Variants in LOC128462377 observed in about 807,000 individuals in gnomAD.
the LOC128462377 span, among the ~76,000 whole-genome samples, chr16:89,377,202 G>C: frequency 6.6e-6 from 1 of 152,260 alleles, no homozygotes; most frequent in South Asian, 2.1e-4. Context: ...TCAGCCTCTA[G>C]ATCGGGGTCA....
the LOC128462377 span, among the ~76,000 whole-genome samples, chr16:89,376,705 C>T: frequency 1.3e-5 from 2 of 152,348 alleles, no homozygotes; most frequent in East Asian, 3.9e-4. Context: ...TCCCTAAGTG[C>T]TGGGATTACA....
At chr16:89,324,155 C>G in the LOC128462377 span, 1 of 1,054,074 alleles carries the variant, frequency 9.5e-7, no homozygotes, top group Non-Finnish European at 1.2e-6. Context: ...CCTGTTTCCA[C>G]TCACATTTTC....
the LOC128462377 span, among the ~76,000 whole-genome samples, chr16:89,341,758 C>T: frequency 6.6e-6 from 1 of 152,214 alleles, no homozygotes; most frequent in Non-Finnish European, 1.5e-5. Flanking sequence ...TCTCTCTGCA[C>T]AAACGTGCAC....
At chr16:89,402,703 C>A in the LOC128462377 span, among the ~76,000 whole-genome samples, 1 of 83,790 alleles carries the variant, frequency 1.2e-5, no homozygotes, top group Non-Finnish European at 2.4e-5. Context: ...GGTGGCTCTG[C>A]GAGGTTAGGA....
At chr16:89,402,991 G>C in the LOC128462377 span, among the ~76,000 whole-genome samples, 1 of 152,140 alleles carries the variant, frequency 6.6e-6, no homozygotes, top group Non-Finnish European at 1.5e-5. Flanking sequence ...CTAGAGCAAG[G>C]CCAGTCACCT....
the LOC128462377 span, among the ~76,000 whole-genome samples, chr16:89,355,560 G>C: frequency 3.9e-5 from 6 of 152,150 alleles, no homozygotes; most frequent in African/African-American, 9.7e-5. Context: ...CTTCCAGCAG[G>C]GACGGCCCCA....
the LOC128462377 span, among the ~76,000 whole-genome samples, chr16:89,386,053 C>T: frequency 1.3e-5 from 2 of 152,224 alleles, no homozygotes; most frequent in Admixed American, 6.5e-5. Context: ...AAACTGGGTC[C>T]AATTTGTCTG....
At chr16:89,333,132 G>A in the LOC128462377 span, among the ~76,000 whole-genome samples, 1 of 152,236 alleles carries the variant, frequency 6.6e-6, no homozygotes, top group Non-Finnish European at 1.5e-5. Context: ...GCTCAACAAT[G>A]CTCTGGGAAC....
the LOC128462377 span, among the ~76,000 whole-genome samples, chr16:89,343,418 A>G: frequency 6.6e-6 from 1 of 152,248 alleles, no homozygotes; most frequent in African/African-American, 2.4e-5. Flanking sequence ...AGTAAAAATC[A>G]GCTCAGATTT....
At chr16:89,354,828 A>G in the LOC128462377 span, among the ~76,000 whole-genome samples, 1 of 151,740 alleles carries the variant, frequency 6.6e-6, no homozygotes, top group Non-Finnish European at 1.5e-5. Context: ...CGGAGGTTGC[A>G]GTGAGCCGAG....
At chr16:89,353,224 C>A in the LOC128462377 span, among the ~76,000 whole-genome samples, 1 of 151,880 alleles carries the variant, frequency 6.6e-6, no homozygotes, top group African/African-American at 2.4e-5. Context: ...CGCCTATAAT[C>A]CCAGCTACTC....
chr16:89,318,313 CGA>C, the LOC128462377 span, among the ~76,000 whole-genome samples: 3 of 152,338 alleles, frequency 2.0e-5, no homozygotes, highest in African/African-American at 7.2e-5. Flanking sequence ...GGTGCACTCA[CGA>C]GAGGAATGGG....
the LOC128462377 span, among the ~76,000 whole-genome samples, chr16:89,353,368 G>A: frequency 3.0e-4 from 45 of 151,660 alleles, no homozygotes; most frequent in Non-Finnish European, 5.0e-4. Context: ...GAGAGAGAGA[G>A]AGAGAAAGTA....
chr16:89,351,273 C>G, the LOC128462377 span, among the ~76,000 whole-genome samples: 4 of 152,176 alleles, frequency 2.6e-5, no homozygotes, highest in African/African-American at 9.7e-5. Flanking sequence ...CCCACGCCCA[C>G]AGGCCGCCAA....
At chr16:89,353,148 C>A in the LOC128462377 span, among the ~76,000 whole-genome samples, 1 of 152,100 alleles carries the variant, frequency 6.6e-6, no homozygotes, top group Admixed American at 6.5e-5. Context: ...TCAAGACCAG[C>A]CTGGCCAATA....
At chr16:89,379,097 G>C in the LOC128462377 span, among the ~76,000 whole-genome samples, 1 of 152,212 alleles carries the variant, frequency 6.6e-6, no homozygotes, top group African/African-American at 2.4e-5. Context: ...CGGCAGTGCG[G>C]ACCAGCCCCA....
chr16:89,391,770 C>T, the LOC128462377 span, among the ~76,000 whole-genome samples: 7 of 152,258 alleles, frequency 4.6e-5, no homozygotes, highest in East Asian at 1.3e-3. Context: ...CTTTCCTCCC[C>T]ATCTAACTAA....
chr16:89,388,969 T>C, the LOC128462377 span, among the ~76,000 whole-genome samples: 2 of 152,210 alleles, frequency 1.3e-5, no homozygotes. Context: ...TATACAATTA[T>C]CCAGCACATA....
At chr16:89,327,038 G>C in the LOC128462377 span, among the ~76,000 whole-genome samples, 12 of 151,990 alleles carry the variant, frequency 7.9e-5, no homozygotes, top group Admixed American at 7.2e-4. Flanking sequence ...GCAGAGGTGG[G>C]GAATGCAGAG....
Sources: gnomAD v4.1 joint callset for allele counts (sites outside exome capture counted in the v4.1 genomes callset) on GRCh38, gnomAD v4.1.1 for gene constraint, MANE v1.5 for transcripts.